The following BABAM2 variants were observed in gnomAD, a reference collection of about 807,000 sequenced individuals.
BABAM2 encodes BRISC and BRCA1-A complex member 2.
In BABAM2, 31 loss-of-function variants were observed where a neutral mutation model predicts 54.7. The ratio of observed to expected loss-of-function variants is 0.57; its 90% CI spans 0.43 to 0.77. The LOEUF (loss-of-function observed/expected upper bound fraction) is 0.77, where lower values mean the gene tolerates loss of function less well. BABAM2 is among the 30% of genes least tolerant of loss of function. The probability of loss-of-function intolerance (pLI) is 0.00; values close to 1 mark genes in which losing one functional copy is unlikely to be tolerated. For synonymous variants in BABAM2, 167 were observed against 162.9 expected (o/e 1.03, Z -0.19); for missense variants, 364 against 455.8 (o/e 0.80, Z 1.83).
chr2:28,032,069 C>A (rs771793769), intron 5 of BABAM2, among the ~76,000 whole-genome samples: 2 of 152,022 alleles, frequency 1.3e-5, no homozygotes, highest in African/African-American at 2.4e-5. Flanking sequence ...AATGGAAATT[C>A]AAGTATTTTA....
chr2:28,167,026 A>G (rs545861155), intron 7 of BABAM2, among the ~76,000 whole-genome samples: 1 of 152,214 alleles, frequency 6.6e-6, no homozygotes, highest in Non-Finnish European at 1.5e-5. Context: ...TGTGGAAACC[A>G]TGAGTTGCCG....
At chr2:28,128,649 A>G (rs554510999) in intron 6 of BABAM2, among the ~76,000 whole-genome samples, 1 of 152,326 alleles carries the variant, frequency 6.6e-6, no homozygotes, top group East Asian at 1.9e-4. Context: ...TCAAATGTTT[A>G]TTGGTACATA....
chr2:27,897,705 T>G (rs1665448291), intron 2 of BABAM2, among the ~76,000 whole-genome samples: 1 of 152,094 alleles, frequency 6.6e-6, no homozygotes, highest in Admixed American at 6.5e-5. Context: ...GGCCTGGTGC[T>G]CAGACAGACT....
chr2:28,072,294 T>G lies in BABAM2; in HGVS notation c.570+26495T>G, dbSNP rs538185320. Among the ~76,000 whole-genome samples the G allele has an allele frequency of 3.9e-5, 6 of 152,008 alleles. No homozygotes were observed. The South Asian group carries it at 1.0e-3, about 26-fold the overall frequency. On this transcript the variant is annotated intron_variant, in intron 6 of 11. Coordinates refer to ENST00000379624, the MANE Select transcript of BABAM2 (RefSeq NM_199191.3). ...TTCAAGCAGTTCTCCTGCCTCAGCC[T>G]CCTGAGTAGCTGGGATTATAGGCAC...
chr2:27,894,388 T>A (rs1260947189), intron 1 of BABAM2, 145 bp from the exon 2 acceptor site: 2 of 769,536 alleles, frequency 2.6e-6, no homozygotes, highest in African/African-American at 3.5e-5. Context: ...TTCTGGAGGA[T>A]CATTGGAAGA....
chr2:28,022,617 G>C (rs1461439810), intron 4 of BABAM2, among the ~76,000 whole-genome samples: 5 of 152,004 alleles, frequency 3.3e-5, no homozygotes, highest in African/African-American at 1.2e-4. Flanking sequence ...TCTTTTCTCT[G>C]TTAATATGTG....
intron 10 of BABAM2, among the ~76,000 whole-genome samples, chr2:28,292,872 A>G (rs1162883627): frequency 2.0e-5 from 3 of 152,210 alleles, no homozygotes; most frequent in African/African-American, 7.2e-5. Flanking sequence ...GGTTCTGCCC[A>G]TAAGAAAGAA....
intron 3 of BABAM2, among the ~76,000 whole-genome samples, chr2:27,964,871 A>G (rs1171481370): frequency 1.3e-5 from 2 of 152,230 alleles, no homozygotes; most frequent in Non-Finnish European, 2.9e-5. Flanking sequence ...GCTACCAAGT[A>G]GAAGTTATTA....
At chr2:28,310,242 C>A (rs533493941) in intron 11 of BABAM2, 12 of 1,282,060 alleles carry the variant, frequency 9.4e-6, no homozygotes, top group Non-Finnish European at 1.2e-5. Context: ...TCAATTACTG[C>A]CAATACAGCC....
intron 4 of BABAM2, among the ~76,000 whole-genome samples, chr2:27,992,522 T>C (rs2148494685): frequency 6.6e-6 from 1 of 152,250 alleles, no homozygotes; most frequent in African/African-American, 2.4e-5. Context: ...GTTGGAATAA[T>C]TGAAACAAAA....
At position 28,075,713 on chromosome 2, in the gene BABAM2, A is replaced by G. The variant is rs544038316; in HGVS notation, c.570+29914A>G. On this transcript the variant is annotated intron_variant, in intron 6 of 11. Transcript: ENST00000379624. ...TAATTGCTTAAATGCAGTATGCAGT[A>G]TTTGCTACTTATATGTCAGAAGTCA... 1.3e-4 allele frequency among the ~76,000 whole-genome samples: 20 copies of G among 152,288 alleles called. No homozygotes were observed. The East Asian group carries it at 3.9e-3, about 29-fold the overall frequency.
chr2:27,997,653 C>A (rs1350871100), intron 4 of BABAM2, among the ~76,000 whole-genome samples: 2 of 152,084 alleles, frequency 1.3e-5, no homozygotes, highest in African/African-American at 4.8e-5. Flanking sequence ...AAAAACAGAG[C>A]ACCTTGAAAG....
intron 6 of BABAM2, 88 bp downstream of exon 6, chr2:28,045,887 C>A: frequency 1.9e-6 from 2 of 1,040,370 alleles, no homozygotes; most frequent in Non-Finnish European, 2.8e-6. Context: ...GGTTTGTCAG[C>A]ATTTTGTTCA....
intron 10 of BABAM2, among the ~76,000 whole-genome samples, chr2:28,248,789 G>A (rs1287576502): frequency 2.0e-5 from 3 of 152,216 alleles, no homozygotes; most frequent in East Asian, 3.9e-4. Context: ...ATTCAGCCTG[G>A]ACTGTAGGCC....
intron 2 of BABAM2, among the ~76,000 whole-genome samples, chr2:27,929,051 TAAAA>T (rs374733074): frequency 8.7e-6 from 1 of 114,624 alleles, no homozygotes. Flanking sequence ...CCTCCTCTCT[TAAAA>T]AAAAAAAAAA....
At chr2:28,076,264 A>T (rs952730289) in intron 6 of BABAM2, among the ~76,000 whole-genome samples, 2 of 151,914 alleles carry the variant, frequency 1.3e-5, no homozygotes, top group African/African-American at 2.4e-5. Flanking sequence ...GCAGAGCAAA[A>T]CCCTTTCTCA....
rs1675647442 is a variant in BABAM2, at chr2:28,026,205, C to A, written c.495+785C>A. ...CTCAAGAATCTAGAACCAGAAATAC[C>A]ATTTGACTCAGCAATCCCATTACTG... On this transcript the variant is annotated intron_variant, in intron 5 of 11. Coordinates refer to ENST00000379624, the MANE Select transcript of BABAM2 (RefSeq NM_199191.3). Among the ~76,000 whole-genome samples the A allele has an allele frequency of 2.6e-5, 4 of 152,112 alleles. No homozygotes were observed. In the South Asian group the frequency reaches 6.2e-4, roughly 24 times the overall value.
chr2:28,269,053 C>T (rs1685211738), intron 10 of BABAM2, among the ~76,000 whole-genome samples: 1 of 152,200 alleles, frequency 6.6e-6, no homozygotes, highest in African/African-American at 2.4e-5. Context: ...TTGTAACCAA[C>T]AGAAGTAATT....
At chr2:28,161,047 A>C (rs1342144668) in intron 7 of BABAM2, among the ~76,000 whole-genome samples, 1 of 152,188 alleles carries the variant, frequency 6.6e-6, no homozygotes, top group Non-Finnish European at 1.5e-5. Flanking sequence ...AAGTTTCCCA[A>C]TTGTGCAGAG....
Sources: allele counts gnomAD v4.1 joint callset (sites outside exome capture counted in the v4.1 genomes callset), GRCh38; gene constraint gnomAD v4.1.1; transcripts MANE v1.5; gene names NCBI Gene and HGNC (gene_info 2026-07-23, HGNC 2026-07-21).